Variants in IMPG1 observed in about 807,000 individuals in gnomAD.
The protein encoded by IMPG1 is interphotoreceptor matrix proteoglycan 1, also known as interphotoreceptor matrix proteoglycan of 150 kDa.
Under a neutral mutation model 92.0 loss-of-function variants are expected in IMPG1, and 85 were observed. The ratio of observed to expected loss-of-function variants is 0.92; its 90% CI spans 0.78 to 1.11. The LOEUF (loss-of-function observed/expected upper bound fraction) is 1.11, where lower values mean the gene tolerates loss of function less well. IMPG1 is among the 50% of genes least tolerant of loss of function. IMPG1 has a pLI of 0.00. For missense variants in IMPG1, 1,022 were observed against 956.0 expected (o/e 1.07, Z -0.91); for synonymous variants, 367 against 334.1 (o/e 1.10, Z -1.08).
chr6:75,974,393 T>TCCTTCC (rs1562354842), intron 12 of IMPG1, among the ~76,000 whole-genome samples: 17 of 65,024 alleles, frequency 2.6e-4, no homozygotes, highest in African/African-American at 1.0e-3. Flanking sequence ...CTTTCTTTCT[T>TCCTTCC]TTCTTTCTTT....
At chr6:75,925,951 CA>C (rs1781542474) in intron 15 of IMPG1, among the ~76,000 whole-genome samples, 2 of 152,128 alleles carry the variant, frequency 1.3e-5, no homozygotes, top group Non-Finnish European at 2.9e-5. Flanking sequence ...AGGCGTGAGC[CA>C]CTGTGCCAGG....
chr6:75,924,693 A>ATTATATGATATATAATAT (rs375540782), intron 15 of IMPG1, among the ~76,000 whole-genome samples: 1 of 4,034 alleles, frequency 2.5e-4, no homozygotes, highest in Non-Finnish European at 8.0e-4. Flanking sequence ...ATTATATATA[A>ATTATATGATATATAATAT]ATAATTATAT....
chr6:76,062,766 C>T lies in IMPG1; in HGVS notation c.67+9656G>A, dbSNP rs1485428632. Among the ~76,000 whole-genome samples the T allele has an allele frequency of 2.0e-5, 3 of 151,698 alleles. No individual in the cohort carries two copies. The East Asian group carries it at 5.8e-4, about 29-fold the overall frequency. ...AGGTAAAACTTTAATTAATATAGAC[C>T]TCAATAATTGAAGATTAACATATAT... On this transcript the variant is annotated intron_variant, in intron 1 of 16. Coordinates refer to ENST00000369950, the MANE Select transcript of IMPG1 (RefSeq NM_001563.4).
At chr6:75,941,968 G>C (rs556344886) in intron 14 of IMPG1, among the ~76,000 whole-genome samples, 74 of 152,168 alleles carry the variant, frequency 4.9e-4, no homozygotes, top group Non-Finnish European at 8.4e-4. Context: ...TGGAGGCTGG[G>C]GGGACACTGG....
chr6:76,018,336 G>T (rs1174770771), intron 7 of IMPG1, among the ~76,000 whole-genome samples: 1 of 152,202 alleles, frequency 6.6e-6, no homozygotes, highest in Admixed American at 6.5e-5. Flanking sequence ...ATGCCTATGT[G>T]ATGAGACGAA....
intron 13 of IMPG1, among the ~76,000 whole-genome samples, chr6:75,948,974 TG>T (rs1200319159): frequency 6.6e-6 from 1 of 152,162 alleles, no homozygotes; most frequent in Non-Finnish European, 1.5e-5. Context: ...AGCTATAGGA[TG>T]GAAGAAGTGT....
At chr6:75,924,425 ATAAT>A (rs1475866449) in intron 15 of IMPG1, among the ~76,000 whole-genome samples, 26 of 115,706 alleles carry the variant, frequency 2.2e-4, no homozygotes, top group East Asian at 1.1e-3. Flanking sequence ...TATATAATAT[ATAAT>A]TAATATAATT....
At chr6:76,062,742 G>A (rs992297380) in intron 1 of IMPG1, among the ~76,000 whole-genome samples, 5 of 151,716 alleles carry the variant, frequency 3.3e-5, no homozygotes, top group African/African-American at 1.2e-4. Flanking sequence ...AGTTGGCTGA[G>A]GTAAAACTTT....
chr6:75,990,174 G>A (rs1474606499), intron 12 of IMPG1, among the ~76,000 whole-genome samples: 1 of 152,178 alleles, frequency 6.6e-6, no homozygotes, highest in Non-Finnish European at 1.5e-5. Flanking sequence ...GACTTTAGAT[G>A]ATATTTAGTA....
chr6:75,981,377 T>C (rs1782624546), intron 12 of IMPG1, among the ~76,000 whole-genome samples: 1 of 152,220 alleles, frequency 6.6e-6, no homozygotes, highest in Non-Finnish European at 1.5e-5. Flanking sequence ...GAAGTTCCTT[T>C]AGAGGCGTTC....
chr6:75,933,531 C>T (rs1283614527), intron 14 of IMPG1, among the ~76,000 whole-genome samples: 2 of 152,144 alleles, frequency 1.3e-5, no homozygotes, highest in South Asian at 2.1e-4. Flanking sequence ...ATTTGACAGT[C>T]TCTCCACAGA....
chr6:75,937,054 G>A lies in IMPG1; in HGVS notation c.2045-5903C>T, dbSNP rs184005325. Among the ~76,000 whole-genome samples, 479 of 152,224 alleles carry A rather than the reference G, an allele frequency of 3.1e-3. 2 individuals are homozygous for A. The highest frequency in any genetic ancestry group is 0.011 in the African/African-American group (455 of 41,532). On this transcript the variant is annotated intron_variant, in intron 14 of 16. Transcript: ENST00000369950. ...TCAAACAGAAAATCTGCAGTGCTGC[G>A]TGTCCCAGGAGGCAAAGGGCCAGCA...
At chr6:76,035,000 G>A (rs1052179412) in intron 2 of IMPG1, among the ~76,000 whole-genome samples, 10 of 139,450 alleles carry the variant, frequency 7.2e-5, no homozygotes, top group African/African-American at 1.1e-4. Context: ...TATTATGTGC[G>A]TGTGTGTGTG....
intron 12 of IMPG1, among the ~76,000 whole-genome samples, chr6:75,983,558 C>A (rs1782664229): frequency 6.6e-6 from 1 of 152,106 alleles, no homozygotes; most frequent in African/African-American, 2.4e-5. Flanking sequence ...CATCTCACAC[C>A]ATATACAAAA....
intron 1 of IMPG1, among the ~76,000 whole-genome samples, chr6:76,057,063 C>A (rs540477530): frequency 1.3e-5 from 2 of 152,264 alleles, no homozygotes; most frequent in African/African-American, 4.8e-5. Context: ...CCAAATACCA[C>A]ATGTTCTCAT....
At chr6:75,966,937 T>G (rs2794287) in intron 12 of IMPG1, among the ~76,000 whole-genome samples, 152,172 of 152,300 alleles carry the variant, frequency 1, 76,022 homozygotes, top group Middle Eastern at 1. Context: ...CAGCACTTTG[T>G]GAGGCCGAGG....
At chr6:76,010,199 C>T (rs1783161374) in intron 8 of IMPG1, among the ~76,000 whole-genome samples, 3 of 152,164 alleles carry the variant, frequency 2.0e-5, no homozygotes, top group Admixed American at 2.0e-4. Flanking sequence ...CCTGTGGAGC[C>T]CTTGCTCTGT....
At chr6:75,964,297 A>T (rs1005409038) in intron 12 of IMPG1, among the ~76,000 whole-genome samples, 1 of 152,214 alleles carries the variant, frequency 6.6e-6, no homozygotes, top group African/African-American at 2.4e-5. Flanking sequence ...GACAGTGCAT[A>T]ACATTGTAAA....
chr6:76,037,295 C>A (rs1783758077), intron 2 of IMPG1, among the ~76,000 whole-genome samples: 2 of 152,152 alleles, frequency 1.3e-5, no homozygotes, highest in Non-Finnish European at 2.9e-5. Flanking sequence ...CCAGCAGCAA[C>A]CTGACCAGAA....
Sources: gnomAD v4.1 joint callset for allele counts (sites outside exome capture counted in the v4.1 genomes callset) on GRCh38, gnomAD v4.1.1 for gene constraint, MANE v1.5 for transcripts, NCBI Gene and HGNC (gene_info 2026-07-23, HGNC 2026-07-21) for gene names.